Variants in JAK1 observed in about 807,000 individuals in gnomAD.
JAK1 encodes tyrosine-protein kinase JAK1.
JAK1 carries 16 observed loss-of-function variants against 136.6 expected under a neutral mutation model. The observed-to-expected ratio is 0.12, with a 90% CI of 0.08 to 0.18. JAK1 has a LOEUF of 0.18. Among genes scored for constraint, JAK1 ranks in the 10% least tolerant of loss-of-function variants. The probability of loss-of-function intolerance (pLI) is 1.00; values close to 1 mark genes in which losing one functional copy is unlikely to be tolerated. For synonymous variants in JAK1, 492 were observed against 519.5 expected (o/e 0.95, Z 0.72); for missense variants, 859 against 1,450.1 (o/e 0.59, Z 6.62).
intron 2 of JAK1, among the ~76,000 whole-genome samples, chr1:65,044,411 A>T (rs1309498483): frequency 4.6e-5 from 7 of 152,210 alleles, no homozygotes; most frequent in African/African-American, 1.7e-4. Context: ...TGTCTACCTT[A>T]GAGAAAGTAA....
chr1:64,992,528 A>T (rs1380759321), intron 2 of JAK1: 3 of 152,138 alleles, frequency 2.0e-5, no homozygotes, highest in Admixed American at 6.6e-5. Context: ...CAAGAAACAA[A>T]GGTGTGGCAT....
At chr1:64,866,405 G>A (rs1656710879) in intron 7 of JAK1, among the ~76,000 whole-genome samples, 1 of 152,146 alleles carries the variant, frequency 6.6e-6, no homozygotes, top group African/African-American at 2.4e-5. Flanking sequence ...CAATTTCACG[G>A]AGCCAGAGGC....
chr1:64,855,094 G>A (rs1371862662), intron 11 of JAK1, among the ~76,000 whole-genome samples: 1 of 152,224 alleles, frequency 6.6e-6, no homozygotes, highest in African/African-American at 2.4e-5. Flanking sequence ...GAAACCCCCA[G>A]AGAGCAGGGA....
chr1:64,868,926 G>A, intron 6 of JAK1, among the ~76,000 whole-genome samples: 1 of 152,184 alleles, frequency 6.6e-6, no homozygotes, highest in East Asian at 1.9e-4. Context: ...TCAGGCTTGG[G>A]ATGGTAGTAG....
chr1:64,967,062 A>G (rs1448659654), upstream of JAK1, among the ~76,000 whole-genome samples: 2 of 150,016 alleles, frequency 1.3e-5, no homozygotes, highest in Non-Finnish European at 3.0e-5. Flanking sequence ...CTCTTTACGA[A>G]AAAAAAAAAA....
Position 64,855,645 on chromosome 1 carries a change from C to A in JAK1, c.1512G>T (p.Lys504Asn). The A allele has an allele frequency of 6.2e-7, 1 of 1,614,100 alleles. No individual in the cohort carries two copies. Residue 504 changes from lysine to asparagine, a missense_variant, in exon 11 of 25, where the codon AAG becomes AAT. Physicochemically the swap from Lys to Asn is moderately conservative, Grantham distance 94. Coordinates refer to ENST00000342505, the MANE Select transcript of JAK1 (RefSeq NM_002227.4). ...QFKNFQIEVQKGRYSLHGSDR... is the reference protein window; with the variant it reads ...QFKNFQIEVQNGRYSLHGSDR... ...CCGAACCGTGCAGACTGTAGCGGCC[C>A]TTCTGCACCTCGATCTGAAAGTTCT...
At chr1:64,911,080 G>C (rs1245215149) in intron 1 of JAK1, among the ~76,000 whole-genome samples, 2 of 51,298 alleles carry the variant, frequency 3.9e-5, no homozygotes, top group Non-Finnish European at 1.0e-4. Flanking sequence ...AAATTATTCA[G>C]GAGTGAAAAA....
intron 4 of JAK1, 23 bp downstream of exon 4, chr1:64,879,002 T>A: frequency 6.2e-7 from 1 of 1,612,476 alleles, no homozygotes; most frequent in Non-Finnish European, 8.5e-7. Flanking sequence ...GCCAGGCAGG[T>A]ACCAGGTCAG....
At chr1:64,999,453 T>C (rs1646732829) in intron 2 of JAK1, among the ~76,000 whole-genome samples, 1 of 152,172 alleles carries the variant, frequency 6.6e-6, no homozygotes, top group Non-Finnish European at 1.5e-5. Context: ...CTCAAGAAAG[T>C]CAGGCTGGGT....
chr1:65,020,105 A>G (rs2100790242), intron 2 of JAK1, among the ~76,000 whole-genome samples: 1 of 150,916 alleles, frequency 6.6e-6, no homozygotes, highest in Middle Eastern at 3.4e-3. Flanking sequence ...CATGCCTGTA[A>G]TCCTAGCTAC....
intron 2 of JAK1, among the ~76,000 whole-genome samples, chr1:65,008,785 C>A (rs1436640158): frequency 2.6e-5 from 4 of 152,174 alleles, no homozygotes; most frequent in South Asian, 4.2e-4. Context: ...CCTGCCTGGG[C>A]TCAAGTAATC....
intron 2 of JAK1, among the ~76,000 whole-genome samples, chr1:65,042,755 T>G (rs771333230): frequency 3.3e-5 from 5 of 152,174 alleles, no homozygotes; most frequent in Non-Finnish European, 5.9e-5. Flanking sequence ...TACAGAGAAC[T>G]AAACTGAGGA....
At chr1:64,983,362 G>A (rs909689648) in intron 2 of JAK1, among the ~76,000 whole-genome samples, 6 of 152,132 alleles carry the variant, frequency 3.9e-5, no homozygotes, top group African/African-American at 1.4e-4. Flanking sequence ...AGACAAGCAT[G>A]CCGTGACCCT....
intron 2 of JAK1, among the ~76,000 whole-genome samples, chr1:65,002,906 C>G (rs1646773264): frequency 6.6e-6 from 1 of 152,222 alleles, no homozygotes; most frequent in Non-Finnish European, 1.5e-5. Context: ...GCTGCTCCTT[C>G]CAGGTCCCGG....
chr1:64,846,751 G>C lies in JAK1; in HGVS notation c.1900-15C>G, dbSNP rs943760264. 6.2e-7 allele frequency: 1 copy of C among 1,608,616 alleles called. No homozygotes were observed. On this transcript the variant is annotated splice_polypyrimidine_tract_variant and intron_variant, in intron 13 of 24. Coordinates refer to ENST00000342505, the MANE Select transcript of JAK1 (RefSeq NM_002227.4). ...TCGAAGAAGGCCTGTGGGCGAGCAGGACATAGGAATGTCTCAGGCCAGCCT... is the reference window on the plus strand; with the variant it reads ...TCGAAGAAGGCCTGTGGGCGAGCAGCACATAGGAATGTCTCAGGCCAGCCT...
At chr1:65,056,923 TAAAA>T (rs57037539) in intron 1 of JAK1, among the ~76,000 whole-genome samples, 2 of 118,746 alleles carry the variant, frequency 1.7e-5, no homozygotes, top group African/African-American at 3.2e-5. Context: ...ACTCTTTCTT[TAAAA>T]AAAAAAAAAA....
chr1:64,839,710 G>A lies in JAK1; in HGVS notation c.2735C>T (p.Pro912Leu). ...AGCTATGTGGTTACCTCCACTCTCA[G>A]GCTTCAGAGATTTAACAGCCACCTG... The part of the protein sequence containing the change: ...GEQVAVKSLK[P>L]ESGGNHIADL... Residue 912 changes from proline to leucine, a missense_variant, in exon 20 of 25, where the codon CCT becomes CTT. Coordinates refer to ENST00000342505, the MANE Select transcript of JAK1 (RefSeq NM_002227.4). The A allele has an allele frequency of 6.2e-7, 1 of 1,614,168 alleles. No homozygotes were observed. Among genetic ancestry groups the A allele is most frequent in the Non-Finnish European group, 8.5e-7 (1 of 1,179,996 alleles).
chr1:64,921,039 C>T (rs535320803), intron 1 of JAK1, among the ~76,000 whole-genome samples: 1 of 152,280 alleles, frequency 6.6e-6, no homozygotes, highest in African/African-American at 2.4e-5. Flanking sequence ...CTGAAAACTG[C>T]TAAAGCCAAG....
chr1:64,867,161 C>G lies in JAK1; in HGVS notation c.695G>C (p.Arg232Thr). The G allele has an allele frequency of 1.2e-6, 2 of 1,610,614 alleles. No homozygotes were observed. The highest frequency in any genetic ancestry group is 1.7e-6 in the Non-Finnish European group (2 of 1,177,306). Reference sequence around the variant, plus strand: ...TATCCGCATCCTGGTGAGAAGGTTCCTCTGTCTGATGGACTTATTCAATGT... The same window carrying G: ...TATCCGCATCCTGGTGAGAAGGTTCGTCTGTCTGATGGACTTATTCAATGT... ...PETLNKSIRQ[R>T]NLLTRMRINN... The change falls in exon 7 of 25, where the codon AGG becomes ACG. Residue 232 changes from arginine (R) to threonine (T), a missense_variant. By Grantham distance (71) the Arg-to-Thr change is moderately conservative (BLOSUM62 -1). Around this residue, in one of 4 missense-constraint regions of JAK1, gnomAD observed 353 missense variants for 494.0 expected, o/e 0.71. Transcript: ENST00000342505.
Sources: gnomAD v4.1 joint callset for allele counts (sites outside exome capture counted in the v4.1 genomes callset) on GRCh38, gnomAD v4.1.1 for gene constraint, gnomAD v4.1.1 regional missense constraint, MANE v1.5 for transcripts, NCBI Gene and HGNC (gene_info 2026-07-23, HGNC 2026-07-21) for gene names.